The following CTC1 variants were observed in gnomAD, a reference collection of about 807,000 sequenced individuals.
The protein encoded by CTC1 is CST telomere replication complex component 1, also known as CST complex subunit CTC1.
Under a neutral mutation model 136.3 loss-of-function variants are expected in CTC1, and 91 were observed. That is an observed-to-expected ratio of 0.67 (90% confidence interval 0.56 to 0.79). The LOEUF (loss-of-function observed/expected upper bound fraction) is 0.79, where lower values mean the gene tolerates loss of function less well. Ranked by LOEUF, CTC1 falls within the 30% of genes least tolerant of loss-of-function variation. The pLI, the probability that CTC1 is intolerant of heterozygous loss-of-function variation, is 0.00. For missense variants in CTC1, 1,432 were observed against 1,498.1 expected, an observed-to-expected ratio of 0.96 and a Z score of 0.73; for synonymous variants, 606 against 613.8, an observed-to-expected ratio of 0.99 and a Z score of 0.19.
chr17:8,247,096 G>A (rs1412444483), intron 1 of CTC1, among the ~76,000 whole-genome samples: 1 of 151,168 alleles, frequency 6.6e-6, no homozygotes, highest in Non-Finnish European at 1.5e-5. Context: ...GTGGTTCCCT[G>A]CTCAGCTTCC....
rs1285328109 is a variant in CTC1 at position 8,234,590 on chromosome 17, A to C, written c.1683T>G (p.Arg561=). ...TLATLKEEGQ[R]KAWASFDPKA... ...TAGGGTCAAAGGAGGCCCAGGCCTT[A>C]CGCTGTCCTTCTTCTTTCAGGGTGG... The change falls in exon 10 of 23, where the codon CGT becomes CGG. Residue 561 remains arginine, a synonymous_variant. Transcript: ENST00000651323. The C allele has an allele frequency of 1.2e-6, 2 of 1,610,178 alleles. No individual in the cohort carries two copies. The highest frequency in any genetic ancestry group is 1.7e-4 in the Middle Eastern group (1 of 6,058).
chr17:8,237,333 AC>A (rs774769450), intron 5 of CTC1, 41 bp downstream of exon 5: 5 of 1,610,598 alleles, frequency 3.1e-6, no homozygotes, highest in African/African-American at 1.3e-5. Context: ...AAGTTCTACC[AC>A]CCTCCCCCAC....
chr17:8,240,156 C>CTTT lies in CTC1; in HGVS notation c.198-1530_198-1528dup, dbSNP rs397969607. On this transcript the variant is annotated intron_variant, in intron 2 of 22. Transcript: ENST00000651323. ...AAAAAGCAACCAGAGAGAACTGTCT[C>CTTT]TTTTTTTTTTTTTTTTGAGACAGAG... Among the ~76,000 whole-genome samples the CTTT allele has an allele frequency of 7.1e-5, 10 of 139,986 alleles. 1 individual carries two copies. The highest frequency in any genetic ancestry group is 9.3e-5 in the Non-Finnish European group (6 of 64,790). 91.8% of individuals were successfully genotyped at this position (139,986 alleles called of 152,430 possible). A position where few individuals can be genotyped will look rare whatever the true frequency, so the allele number is the denominator to read the frequency against.
At position 8,229,058 on chromosome 17, in the gene CTC1, G is replaced by A; in HGVS notation, c.3221+84C>T. On this transcript the variant is annotated intron_variant, in intron 20 of 22. Transcript: ENST00000651323. ...ATATTAAGCAATTCTCATGAGCCAG[G>A]AATTATGCTAATGTAGAAACTGCAG... 2.7e-6 allele frequency: 4 copies of A among 1,504,252 alleles called. No homozygotes were observed. In the Middle Eastern group the frequency reaches 7.2e-4, roughly 270 times the overall value. The allele number at this position is 1,504,252 out of a possible 1,614,324, so 93.2% of individuals were successfully genotyped here.
In CTC1 at chr17:8,230,562, C is replaced by T; in HGVS notation, c.2758+1G>A. The T allele has an allele frequency of 6.2e-7, 1 of 1,614,040 alleles. No individual in the cohort carries two copies. Among genetic ancestry groups the T allele is most frequent in the East Asian group, 2.2e-5 (1 of 44,878 alleles). ...CTTCCCCACAAAGGAAGGGTCATTACCCAGTTTCATCCAGAGAGACGCCAC... is the reference window on the plus strand; with the variant it reads ...CTTCCCCACAAAGGAAGGGTCATTATCCAGTTTCATCCAGAGAGACGCCAC... On this transcript the variant is annotated splice_donor_variant, in intron 16 of 22. Coordinates refer to ENST00000651323, the MANE Select transcript of CTC1 (RefSeq NM_025099.6). LOFTEE classifies it high-confidence loss of function.
intron 1 of CTC1, chr17:8,247,659 T>G: frequency 4.2e-6 from 1 of 237,934 alleles, no homozygotes; most frequent in South Asian, 5.7e-5. Flanking sequence ...CAGACGCTTT[T>G]ACTTATTATG....
In CTC1 at chr17:8,227,060, C is replaced by T. The variant is rs1010725751; in HGVS notation, c.*1120G>A. 2 of 152,342 alleles carry T rather than the reference C, an allele frequency of 1.3e-5. No homozygotes were observed. Among genetic ancestry groups the T allele is most frequent in the South Asian group, 2.0e-4 (1 of 5,014 alleles). The allele number at this position is 152,342 out of a possible 1,614,324, so 9.4% of individuals were successfully genotyped here. On this transcript the variant is annotated 3_prime_UTR_variant, in exon 23 of 23. Coordinates refer to ENST00000651323, the MANE Select transcript of CTC1 (RefSeq NM_025099.6). The stretch of plus-strand genomic sequence containing the variant: ...CCACGCTCTAACCAACTGAGCTAAC[C>T]GGCCACTAACTTTCCGGGTCTACTT...
intron 1 of CTC1, among the ~76,000 whole-genome samples, chr17:8,244,635 C>T (rs964817747): frequency 5.3e-5 from 8 of 152,092 alleles, no homozygotes; most frequent in African/African-American, 1.9e-4. Context: ...AAGTGATTCT[C>T]CTGTCTCAGC....
intron 18 of CTC1, among the ~76,000 whole-genome samples, 179 bp downstream of exon 18, chr17:8,229,712 C>T (rs1448751173): frequency 6.6e-6 from 1 of 152,180 alleles, no homozygotes; most frequent in African/African-American, 2.4e-5. Flanking sequence ...CTAAATGATT[C>T]TGGGTACAAT....
At chr17:8,239,735 T>A (rs957289669) in intron 2 of CTC1, among the ~76,000 whole-genome samples, 1 of 152,040 alleles carries the variant, frequency 6.6e-6, no homozygotes, top group African/African-American at 2.4e-5. Context: ...TGATTTTTTT[T>A]AAGTGGAAAT....
Position 8,243,116 on chromosome 17 carries a change from G to A in CTC1, c.66C>T (p.Phe22=), listed in dbSNP as rs1360312979. The A allele has an allele frequency of 6.2e-7, 1 of 1,614,018 alleles. No individual in the cohort carries two copies. Among genetic ancestry groups the A allele is most frequent in the Non-Finnish European group, 8.5e-7 (1 of 1,179,902 alleles). The change falls in exon 2 of 23, where the codon TTC becomes TTT. Residue 22 remains phenylalanine (F), a synonymous_variant. Transcript: ENST00000651323. ...CAGCTGGACACAGGGTCTTTTGGAT[G>A]AAGACCTGAGCATCCTCAAGCCAGG... ...EQAWLEDAQV[F]IQKTLCPAVK...
At chr17:8,234,359 C>A in intron 10 of CTC1, 96 bp downstream of exon 10, 2 of 1,244,342 alleles carry the variant, frequency 1.6e-6, no homozygotes, top group Middle Eastern at 1.9e-4. Context: ...CTAGTGTAGT[C>A]AAAATGACGA....
rs576049782 is a variant in CTC1, at chr17:8,235,930, G to A, written c.1107C>T (p.Pro369=). Residue 369 remains proline (P), a synonymous_variant, in exon 7 of 23, where the codon CCC becomes CCT. Coordinates refer to ENST00000651323, the MANE Select transcript of CTC1 (RefSeq NM_025099.6). The part of the protein sequence containing the change: ...SGAVTGVLNE[P]AGLYELDGQL... Reference sequence around the variant, plus strand: ...GCCCATCCAGCTCATAGAGGCCAGCGGGCTCATTCAACACGCCAGTGACTG... The same window carrying A: ...GCCCATCCAGCTCATAGAGGCCAGCAGGCTCATTCAACACGCCAGTGACTG... The A allele has an allele frequency of 2.6e-5, 42 of 1,612,412 alleles. No individual in the cohort carries two copies. The East Asian group carries it at 5.8e-4, about 22-fold the overall frequency.
intron 21 of CTC1, 29 bp downstream of exon 21, chr17:8,228,698 C>A: frequency 6.2e-7 from 1 of 1,613,850 alleles, no homozygotes; most frequent in Non-Finnish European, 8.5e-7. Flanking sequence ...TTTGGGTATC[C>A]GAGTCCCTCC....
intron 14 of CTC1, 27 bp from the exon 15 acceptor site, chr17:8,231,496 C>T (rs1400852720): frequency 1.9e-6 from 3 of 1,575,734 alleles, no homozygotes; most frequent in East Asian, 2.3e-5. Flanking sequence ...AGACGACTGC[C>T]TGTGAGTGTG....
chr17:8,226,191 G>C lies in CTC1; in HGVS notation c.*1989C>G, dbSNP rs1473393331. ...TCTGATATAAAAACAATACATGAAA[G>C]GATGTGGATTTAGCCGCAAAATCAC... On this transcript the variant is annotated 3_prime_UTR_variant, in exon 23 of 23. Transcript: ENST00000651323. 6.6e-6 allele frequency: 1 copy of C among 152,178 alleles called. No individual in the cohort carries two copies. The highest frequency in any genetic ancestry group is 1.5e-5 in the Non-Finnish European group (1 of 68,042). 9.4% of individuals were successfully genotyped at this position (152,178 alleles called of 1,614,324 possible).
chr17:8,232,196 G>T lies in CTC1; in HGVS notation c.2092C>A (p.Leu698Met). 1 of 1,527,682 alleles carries T rather than the reference G, an allele frequency of 6.5e-7. No homozygotes were observed. The allele number at this position is 1,527,682 out of a possible 1,614,324, so 94.6% of individuals were successfully genotyped here. A position where few individuals can be genotyped will look rare whatever the true frequency, so the allele number is the denominator to read the frequency against. ...CAGGGTCTGGGCACAGGCAGGATCA[G>T]GGCATCAGCCAGAAAGAACTGGACA... ...VYVQFFLADA[L>M]ILPVPRPCLH... Residue 698 changes from leucine (L) to methionine (M), a missense_variant, in exon 13 of 23, where the codon CTG (leucine) becomes ATG (methionine). Physicochemically the swap from Leu to Met is conservative, Grantham distance 15 (BLOSUM62 2). Transcript: ENST00000651323.
Position 8,246,769 on chromosome 17 carries a change from G to A in CTC1, c.33+1235C>T, listed in dbSNP as rs573520272. ...AAAAATGAGCTGGGCATGGCGGCGC[G>A]TGCCTGTATGCCTGTAATTCCAGCT... is the stretch of plus-strand genomic sequence containing the variant. On this transcript the variant is annotated intron_variant, in intron 1 of 22. Transcript: ENST00000651323. Among the ~76,000 whole-genome samples the A allele has an allele frequency of 2.0e-5, 3 of 151,894 alleles. No homozygotes were observed. The South Asian group carries it at 6.2e-4, about 32-fold the overall frequency.
chr17:8,232,765 A>G (rs1417991112), intron 11 of CTC1, 141 bp downstream of exon 11: 7 of 1,135,112 alleles, frequency 6.2e-6, no homozygotes, highest in Admixed American at 2.2e-5. Flanking sequence ...TGCCTGCCAT[A>G]CAAGTCTCCC....
Sources: allele counts gnomAD v4.1 joint callset (sites outside exome capture counted in the v4.1 genomes callset), GRCh38; gene constraint gnomAD v4.1.1; transcripts MANE v1.5; gene names NCBI Gene and HGNC (gene_info 2026-07-23, HGNC 2026-07-21).